The following SPAG17 variants were observed in gnomAD, a reference collection of about 807,000 sequenced individuals.
SPAG17 encodes the protein sperm-associated antigen 17.
In SPAG17, 169 loss-of-function variants were observed where a neutral mutation model predicts 273.6. The observed-to-expected ratio is 0.62, with a 90% confidence interval of 0.55 to 0.70. The LOEUF is 0.70. SPAG17 is among the 30% of genes least tolerant of loss of function. The pLI, the probability that SPAG17 is intolerant of heterozygous loss-of-function variation, is 0.00. For missense variants in SPAG17, 2,557 were observed against 2,627.8 expected (o/e 0.97, Z 0.59); for synonymous variants, 825 against 873.2 (o/e 0.94, Z 0.97).
Position 118,102,173 on chromosome 1 carries a change from G to T in SPAG17, c.448-247C>A, listed in dbSNP as rs552964021. 4.6e-5 allele frequency among the ~76,000 whole-genome samples: 7 copies of T among 152,340 alleles called. No homozygotes were observed. In the East Asian group the frequency reaches 1.2e-3, roughly 25 times the overall value. On this transcript the variant is annotated intron_variant, in intron 4 of 48. Coordinates refer to ENST00000336338, the MANE Select transcript of SPAG17 (RefSeq NM_206996.4). The stretch of plus-strand genomic sequence containing the variant: ...TGGTTACACAGAGACTTCTGGAAGA[G>T]AATCAGTCCTATGGGAGAGCCAAGT...
intron 20 of SPAG17, among the ~76,000 whole-genome samples, chr1:118,052,254 TGGATAA>T (rs1651141639): frequency 6.6e-6 from 1 of 150,966 alleles, no homozygotes; most frequent in Non-Finnish European, 1.5e-5. Context: ...TGCAGCAACA[TGGATAA>T]GCCTGGGGGA....
At chr1:117,955,474 A>G (rs575658455) in intron 48 of SPAG17, 2 of 940,220 alleles carry the variant, frequency 2.1e-6, no homozygotes, top group East Asian at 5.5e-5. Flanking sequence ...AGGTTTAACT[A>G]TATCAAAGTT....
chr1:118,093,450 C>G (rs188786881), intron 7 of SPAG17, 133 bp from the exon 8 acceptor site: 1 of 831,724 alleles, frequency 1.2e-6, no homozygotes, highest in Admixed American at 3.1e-5. Flanking sequence ...CTCCAAACCA[C>G]TGAATCCCAA....
At chr1:117,958,786 T>A in intron 48 of SPAG17, 2 of 515,636 alleles carry the variant, frequency 3.9e-6, no homozygotes, top group Non-Finnish European at 6.5e-6. Flanking sequence ...TTTTTTTTGC[T>A]CGAAACATTT....
intron 28 of SPAG17, among the ~76,000 whole-genome samples, chr1:118,021,520 G>T (rs1022685712): frequency 2.4e-4 from 37 of 152,246 alleles, no homozygotes; most frequent in African/African-American, 8.4e-4. Context: ...AACACCAAGA[G>T]TGAACCCTAA....
chr1:118,141,303 T>G (rs140514829), intron 3 of SPAG17, among the ~76,000 whole-genome samples: 1 of 152,196 alleles, frequency 6.6e-6, no homozygotes, highest in Non-Finnish European at 1.5e-5. Flanking sequence ...CCTTAGTCAT[T>G]GACTATCATT....
chr1:118,027,323 C>A (rs888990268), intron 26 of SPAG17, among the ~76,000 whole-genome samples: 1 of 152,036 alleles, frequency 6.6e-6, no homozygotes, highest in African/African-American at 2.4e-5. Context: ...TTAGTTTCTG[C>A]TTTTTTGCGG....
chr1:118,179,411 C>T (rs1182922982), intron 1 of SPAG17, among the ~76,000 whole-genome samples: 2 of 151,984 alleles, frequency 1.3e-5, no homozygotes, highest in African/African-American at 4.8e-5. Flanking sequence ...AAACTAGACC[C>T]CTGTCTCTCT....
At chr1:118,042,963 A>G (rs962714126) in intron 20 of SPAG17, among the ~76,000 whole-genome samples, 8 of 152,190 alleles carry the variant, frequency 5.3e-5, no homozygotes, top group African/African-American at 1.9e-4. Context: ...CGTTAACATT[A>G]TGATTTGATA....
chr1:117,972,569 G>C (rs1038684481), intron 44 of SPAG17, among the ~76,000 whole-genome samples: 2 of 152,152 alleles, frequency 1.3e-5, no homozygotes, highest in Non-Finnish European at 2.9e-5. Context: ...CAGCAGTGCT[G>C]ACATCATCTC....
At chr1:117,974,550 T>G (rs936928526) in intron 43 of SPAG17, among the ~76,000 whole-genome samples, 1 of 152,152 alleles carries the variant, frequency 6.6e-6, no homozygotes, top group Non-Finnish European at 1.5e-5. Flanking sequence ...TCCCAAGCAT[T>G]TCTTTGATTC....
Position 118,093,261 on chromosome 1 carries a change from CA to C in SPAG17, c.1067del (p.Leu356ArgfsTer29), listed in dbSNP as rs1195104636. ...ENIACLMYDI[L>X]DWKRQHQHYL... ...AGTGCTGGTGCTGCCTTTTCCAATC[CA>C]GGATGTCATACATCAAGCAGGCAAT... On this transcript the variant is annotated frameshift_variant, in exon 8 of 49. Transcript: ENST00000336338. LOFTEE classifies it high-confidence loss of function. The C allele has an allele frequency of 6.2e-7, 1 of 1,613,528 alleles. No homozygotes were observed. The highest frequency in any genetic ancestry group is 1.3e-5 in the African/African-American group (1 of 74,992).
chr1:118,086,798 A>G lies in SPAG17; in HGVS notation c.1498-14T>C, dbSNP rs777606155. 28 of 1,613,978 alleles carry G rather than the reference A, an allele frequency of 1.7e-5. No individual in the cohort carries two copies. Among genetic ancestry groups the G allele is most frequent in the Non-Finnish European group, 1.7e-5 (20 of 1,179,968 alleles). On this transcript the variant is annotated splice_polypyrimidine_tract_variant and intron_variant, in intron 11 of 48. Transcript: ENST00000336338. ...GTCATGAAGATTCTATGCAAATTGA[A>G]ACAATATTGATTTAAAGAGAGGATC...
intron 3 of SPAG17, among the ~76,000 whole-genome samples, chr1:118,123,291 A>G (rs1488411031): frequency 2.0e-5 from 3 of 152,132 alleles, no homozygotes; most frequent in Non-Finnish European, 4.4e-5. Context: ...CACATTCTTT[A>G]AGTAATGAGT....
intron 16 of SPAG17, among the ~76,000 whole-genome samples, chr1:118,074,319 G>A (rs931041180): frequency 6.6e-6 from 1 of 152,132 alleles, no homozygotes; most frequent in Non-Finnish European, 1.5e-5. Flanking sequence ...GTCTAGAGAG[G>A]AGCAAGGAGC....
chr1:118,000,055 T>C (rs1658101702), intron 32 of SPAG17, among the ~76,000 whole-genome samples: 1 of 152,226 alleles, frequency 6.6e-6, no homozygotes, highest in African/African-American at 2.4e-5. Context: ...TAGCCAGTTT[T>C]CCCAGCATCA....
intron 3 of SPAG17, among the ~76,000 whole-genome samples, chr1:118,146,342 G>A (rs1658990612): frequency 6.6e-6 from 1 of 152,086 alleles, no homozygotes; most frequent in Non-Finnish European, 1.5e-5. Context: ...ACCTGTAAAT[G>A]AACAGGTCAG....
intron 1 of SPAG17, among the ~76,000 whole-genome samples, chr1:118,181,290 A>G (rs1159912992): frequency 6.6e-6 from 1 of 151,986 alleles, no homozygotes; most frequent in Non-Finnish European, 1.5e-5. Context: ...CATACCAGTA[A>G]TTACTTTAAA....
At position 118,046,677 on chromosome 1, in the gene SPAG17, G is replaced by A. The variant is rs140702622; in HGVS notation, c.2815-4635C>T. Among the ~76,000 whole-genome samples, 576 of 152,188 alleles carry A rather than the reference G, an allele frequency of 3.8e-3. 4 individuals are homozygous for A. Among genetic ancestry groups the A allele is most frequent in the African/African-American group, 0.013 (558 of 41,542 alleles). On this transcript the variant is annotated intron_variant, in intron 20 of 48. Transcript: ENST00000336338. ...GGCAAAATCAAGGACATCCATGTAGGTACTTATGCAATGAGAGAGAAAAGA... is the reference window on the plus strand; with the variant it reads ...GGCAAAATCAAGGACATCCATGTAGATACTTATGCAATGAGAGAGAAAAGA...
Sources: allele counts gnomAD v4.1 joint callset (sites outside exome capture counted in the v4.1 genomes callset), GRCh38; gene constraint gnomAD v4.1.1; transcripts MANE v1.5; gene names NCBI Gene and HGNC (gene_info 2026-07-23, HGNC 2026-07-21).